Variants in BNC2 observed in about 807,000 individuals in gnomAD.
BNC2 encodes the protein zinc finger protein basonuclin-2.
Under a neutral mutation model 76.3 loss-of-function variants are expected in BNC2, and 20 were observed. The observed-to-expected ratio is 0.26, with a 90% CI of 0.18 to 0.38. The LOEUF is 0.38. BNC2 is among the 10% of genes least tolerant of loss of function. The probability of loss-of-function intolerance (pLI) is 1.00; values close to 1 mark genes in which losing one functional copy is unlikely to be tolerated. For synonymous variants in BNC2, 582 were observed against 514.8 expected, an observed-to-expected ratio of 1.13 and a Z score of -1.77; for missense variants, 1,382 against 1,399.8, an observed-to-expected ratio of 0.99 and a Z score of 0.20.
intron 1 of BNC2, among the ~76,000 whole-genome samples, chr9:16,742,336 T>C (rs1347986228): frequency 6.6e-6 from 1 of 152,230 alleles, no homozygotes; most frequent in South Asian, 2.1e-4. Context: ...CCACTCCTTA[T>C]TGCCTGATTT....
intron 1 of BNC2, among the ~76,000 whole-genome samples, chr9:16,742,168 G>A (rs894183129): frequency 6.6e-6 from 1 of 152,156 alleles, no homozygotes; most frequent in East Asian, 1.9e-4. Flanking sequence ...GTGGTCTAAT[G>A]TCTATGAATT....
intron 2 of BNC2, among the ~76,000 whole-genome samples, chr9:16,737,571 G>T (rs1824713784): frequency 6.7e-6 from 1 of 148,488 alleles, no homozygotes; most frequent in Non-Finnish European, 1.5e-5. Context: ...TTAAAGATGG[G>T]GTCTCGCTAT....
intron 6 of BNC2, among the ~76,000 whole-genome samples, chr9:16,419,952 T>C (rs1417191165): frequency 1.3e-5 from 2 of 152,152 alleles, no homozygotes; most frequent in East Asian, 3.9e-4. Flanking sequence ...ACTCTGTTAG[T>C]TTTACTATGT....
intron 1 of BNC2, among the ~76,000 whole-genome samples, chr9:16,857,370 G>A (rs932885736): frequency 6.6e-5 from 10 of 151,396 alleles, no homozygotes; most frequent in South Asian, 2.1e-4. Flanking sequence ...CCAGCTACTC[G>A]GGAGGCTAAG....
chr9:16,479,439 A>C (rs542103341), intron 5 of BNC2, among the ~76,000 whole-genome samples: 146 of 152,160 alleles, frequency 9.6e-4, no homozygotes, highest in Non-Finnish European at 1.8e-3. Flanking sequence ...AGTTTCAAAA[A>C]GGTTCATTTT....
intron 5 of BNC2, among the ~76,000 whole-genome samples, chr9:16,529,158 C>T (rs563952957): frequency 6.6e-6 from 1 of 152,312 alleles, no homozygotes; most frequent in Admixed American, 6.5e-5. Flanking sequence ...CCGAGATTAT[C>T]TCCTTATCTT....
At chr9:16,677,166 C>T (rs1416453651) in intron 3 of BNC2, among the ~76,000 whole-genome samples, 1 of 152,166 alleles carries the variant, frequency 6.6e-6, no homozygotes, top group Non-Finnish European at 1.5e-5. Flanking sequence ...TCACTATTAG[C>T]CAAAAGCTAA....
At chr9:16,754,893 C>G (rs1825335513) in intron 1 of BNC2, among the ~76,000 whole-genome samples, 1 of 152,160 alleles carries the variant, frequency 6.6e-6, no homozygotes, top group African/African-American at 2.4e-5. Context: ...GCAACTGATT[C>G]ACTAAGATCA....
At chr9:16,634,428 A>G (rs375668089) in intron 3 of BNC2, among the ~76,000 whole-genome samples, 10 of 152,214 alleles carry the variant, frequency 6.6e-5, no homozygotes, top group South Asian at 2.1e-4. Context: ...AAATAGGTAA[A>G]CCAAATATGA....
At chr9:16,573,318 A>T (rs901675267) in intron 4 of BNC2, among the ~76,000 whole-genome samples, 1 of 152,172 alleles carries the variant, frequency 6.6e-6, no homozygotes, top group Admixed American at 6.5e-5. Context: ...AAATAGTAAA[A>T]AAGTGATGTT....
intron 1 of BNC2, among the ~76,000 whole-genome samples, chr9:16,821,943 G>C (rs1255711497): frequency 6.6e-6 from 1 of 151,630 alleles, no homozygotes; most frequent in Non-Finnish European, 1.5e-5. Context: ...AATACAAAAA[G>C]TTAGCCAGGT....
Position 16,554,840 on chromosome 9 carries a change from C to G in BNC2, c.434-2075G>C, listed in dbSNP as rs557861952. On this transcript the variant is annotated intron_variant, in intron 4 of 6. Coordinates refer to ENST00000380672, the MANE Select transcript of BNC2 (RefSeq NM_017637.6). The stretch of plus-strand genomic sequence containing the variant: ...TTCTATGACAACAGCAAATATGAAA[C>G]TGACAGGAGTCAGTAGAAAGGAAAT... Among the ~76,000 whole-genome samples the G allele has an allele frequency of 3.9e-5, 6 of 152,262 alleles. No individual in the cohort carries two copies. The East Asian group carries it at 1.2e-3, about 29-fold the overall frequency.
intron 1 of BNC2, among the ~76,000 whole-genome samples, chr9:16,758,356 T>TC (rs533514932): frequency 0.22 from 16,721 of 74,434 alleles, 1,134 homozygotes; most frequent in Admixed American, 0.36. Context: ...TTCCTTTTTT[T>TC]TTAGATGGAG....
chr9:16,634,478 T>C (rs965636139), intron 3 of BNC2, among the ~76,000 whole-genome samples: 2 of 151,374 alleles, frequency 1.3e-5, no homozygotes, highest in African/African-American at 4.9e-5. Flanking sequence ...ACCAAATTTA[T>C]CCTATAATTA....
At chr9:16,532,998 T>C (rs939615400) in intron 5 of BNC2, among the ~76,000 whole-genome samples, 1 of 152,244 alleles carries the variant, frequency 6.6e-6, no homozygotes, top group East Asian at 1.9e-4. Flanking sequence ...TAGCAATGTC[T>C]AAATAATAAA....
chr9:16,720,203 G>A (rs1393218778), intron 3 of BNC2, among the ~76,000 whole-genome samples: 1 of 152,138 alleles, frequency 6.6e-6, no homozygotes, highest in Non-Finnish European at 1.5e-5. Flanking sequence ...TCTCTCTCAT[G>A]CCTCTGCCAG....
intron 3 of BNC2, among the ~76,000 whole-genome samples, chr9:16,638,522 G>A (rs891075377): frequency 9.9e-5 from 15 of 152,056 alleles, no homozygotes; most frequent in African/African-American, 3.1e-4. Flanking sequence ...AAGATTACAA[G>A]GATTTTTCCT....
At chr9:16,705,236 G>A (rs1369863234) in intron 3 of BNC2, among the ~76,000 whole-genome samples, 4 of 143,032 alleles carry the variant, frequency 2.8e-5, no homozygotes, top group Non-Finnish European at 1.5e-5. Context: ...TTAACACAAT[G>A]CCATTTCCCT....
intron 3 of BNC2, among the ~76,000 whole-genome samples, chr9:16,715,466 T>G (rs1425058894): frequency 6.6e-6 from 1 of 152,244 alleles, no homozygotes; most frequent in African/African-American, 2.4e-5. Context: ...CATTAAAATA[T>G]TATCTAAAAC....
Sources: gnomAD v4.1 joint callset for allele counts (sites outside exome capture counted in the v4.1 genomes callset) on GRCh38, gnomAD v4.1.1 for gene constraint, MANE v1.5 for transcripts, NCBI Gene and HGNC (gene_info 2026-07-23, HGNC 2026-07-21) for gene names.